PRR5L: variants seen among roughly 807,000 people sequenced by gnomAD.
PRR5L encodes proline-rich protein 5-like.
In PRR5L, 21 loss-of-function variants were observed where a neutral mutation model predicts 36.4. The observed-to-expected ratio is 0.58, with a 90% CI of 0.41 to 0.83. The LOEUF (loss-of-function observed/expected upper bound fraction) is 0.83, where lower values mean the gene tolerates loss of function less well. PRR5L is among the 40% of genes least tolerant of loss of function. The probability of loss-of-function intolerance (pLI) is 0.00; values close to 1 mark genes in which losing one functional copy is unlikely to be tolerated. For synonymous variants in PRR5L, 188 were observed against 197.0 expected, an observed-to-expected ratio of 0.95 and a Z score of 0.38; for missense variants, 381 against 473.3, an observed-to-expected ratio of 0.80 and a Z score of 1.81.
At chr11:36,418,090 G>A (rs185678795) in intron 3 of PRR5L, among the ~76,000 whole-genome samples, 14 of 152,330 alleles carry the variant, frequency 9.2e-5, no homozygotes, top group African/African-American at 3.4e-4. Flanking sequence ...CATCTTGTGA[G>A]TATATTTATT....
rs570136912 is a variant in PRR5L at position 36,401,192 on chromosome 11, C to T, written c.71C>T (p.Pro24Leu). Residue 24 changes from proline (P) to leucine (L), a missense_variant, in exon 2 of 9, where the codon CCG (proline) becomes CTG (leucine). Transcript: ENST00000530639. ...HKMGSFRRPR[P>L]RFMSSPVLSD... ...ATGGGCTCCTTCCGCAGGCCTAGAC[C>T]GCGCTTCATGAGCTCCCCCGTGCTC... is the stretch of plus-strand genomic sequence containing the variant. The T allele has an allele frequency of 2.5e-6, 4 of 1,613,990 alleles. No individual in the cohort carries two copies. The highest frequency in any genetic ancestry group is 2.2e-5 in the South Asian group (2 of 91,090).
chr11:36,329,724 C>T (rs1438599083), intron 1 of PRR5L, among the ~76,000 whole-genome samples: 1 of 152,118 alleles, frequency 6.6e-6, no homozygotes. Context: ...CCTTTAAAAG[C>T]CTTTGAGGCA....
intron 8 of PRR5L, among the ~76,000 whole-genome samples, chr11:36,457,018 T>G (rs961288311): frequency 2.6e-5 from 4 of 152,158 alleles, no homozygotes; most frequent in Non-Finnish European, 5.9e-5. Context: ...GCAGCCAGAG[T>G]GGCTTCTCTT....
rs1554986984 is a variant in PRR5L at position 36,350,988 on chromosome 11, T to TTATATATTTATATATTTATATATTTA, written c.-125-49994_-125-49993insTTATATATTTATATATATTTATATAT. Among the ~76,000 whole-genome samples the TTATATATTTATATATTTATATATTTA allele has an allele frequency of 7.9e-5, 6 of 76,306 alleles. 1 individual carries two copies. The highest frequency in any genetic ancestry group is 9.7e-5 in the Non-Finnish European group (4 of 41,356). The allele number at this position is 76,306 out of a possible 152,430, so 50.1% of individuals were successfully genotyped here. ...TATATATTTATATATATTTATATAT[T>TTATATATTTATATATTTATATATTTA]TATATATTTATATATATTTATATAG... On this transcript the variant is annotated intron_variant, in intron 1 of 8. Transcript: ENST00000530639.
At chr11:36,447,793 G>C (rs1858863040) in intron 7 of PRR5L, among the ~76,000 whole-genome samples, 1 of 152,172 alleles carries the variant, frequency 6.6e-6, no homozygotes, top group African/African-American at 2.4e-5. Context: ...ATAGGATGAG[G>C]GTGGGTGTAA....
intron 7 of PRR5L, among the ~76,000 whole-genome samples, chr11:36,447,811 G>A (rs1196730296): frequency 1.3e-5 from 2 of 152,154 alleles, no homozygotes; most frequent in South Asian, 4.1e-4. Context: ...TAATTGGCCG[G>A]AATGCCAGGT....
chr11:36,354,578 G>A (rs185636700), intron 1 of PRR5L, among the ~76,000 whole-genome samples: 2 of 152,258 alleles, frequency 1.3e-5, no homozygotes, highest in East Asian at 1.9e-4. Context: ...AATTGAAAGT[G>A]AGAAAATGTA....
chr11:36,438,517 C>T (rs1287679925), intron 6 of PRR5L, among the ~76,000 whole-genome samples: 1 of 152,180 alleles, frequency 6.6e-6, no homozygotes, highest in East Asian at 1.9e-4. Context: ...CACCCCATAA[C>T]ATTTCCAGTA....
intron 1 of PRR5L, among the ~76,000 whole-genome samples, chr11:36,300,649 GAA>G (rs5791098): frequency 1.3e-5 from 2 of 150,882 alleles, no homozygotes; most frequent in Admixed American, 6.6e-5. Flanking sequence ...CTATTTAAAA[GAA>G]AAAAAAAATC....
intron 1 of PRR5L, among the ~76,000 whole-genome samples, chr11:36,383,099 C>G (rs1857398069): frequency 6.6e-6 from 1 of 152,168 alleles, no homozygotes; most frequent in African/African-American, 2.4e-5. Context: ...AAACTCTCCA[C>G]TTCTAAAATA....
chr11:36,382,027 G>A lies in PRR5L; in HGVS notation c.-125-18970G>A, dbSNP rs527883125. Among the ~76,000 whole-genome samples, 72 of 152,240 alleles carry A rather than the reference G, an allele frequency of 4.7e-4. 1 individual carries two copies. In the South Asian group the frequency reaches 0.012, roughly 25 times the overall value. On this transcript the variant is annotated intron_variant, in intron 1 of 8. Coordinates refer to ENST00000530639, the MANE Select transcript of PRR5L (RefSeq NM_001160167.2). Reference sequence around the variant, plus strand: ...CAAAAAATGAGCCGGGCATGGTGGCGTGTGCCTGTAGTCCCAGCTACTCGG... The same window carrying A: ...CAAAAAATGAGCCGGGCATGGTGGCATGTGCCTGTAGTCCCAGCTACTCGG...
At chr11:36,407,350 G>A (rs536615387) in intron 3 of PRR5L, among the ~76,000 whole-genome samples, 36 of 152,278 alleles carry the variant, frequency 2.4e-4, no homozygotes, top group East Asian at 2.3e-3. Context: ...AAAGCTGGGC[G>A]TGATGATGCA....
intron 1 of PRR5L, among the ~76,000 whole-genome samples, chr11:36,366,535 C>G (rs1001100331): frequency 6.6e-6 from 1 of 152,038 alleles, no homozygotes; most frequent in African/African-American, 2.4e-5. Context: ...AATACATTTC[C>G]TATTAATGAC....
chr11:36,345,295 G>A (rs1170253485), intron 1 of PRR5L, among the ~76,000 whole-genome samples: 1 of 152,170 alleles, frequency 6.6e-6, no homozygotes, highest in East Asian at 1.9e-4. Context: ...AGGAAGGGAA[G>A]TGTTAATGAA....
At chr11:36,448,457 G>C (rs1858878468) in intron 7 of PRR5L, among the ~76,000 whole-genome samples, 1 of 152,100 alleles carries the variant, frequency 6.6e-6, no homozygotes, top group Non-Finnish European at 1.5e-5. Context: ...TGGGATCTTT[G>C]TGATCACCAT....
chr11:36,421,495 A>G (rs1248503232), intron 4 of PRR5L, among the ~76,000 whole-genome samples: 1 of 152,204 alleles, frequency 6.6e-6, no homozygotes, highest in Non-Finnish European at 1.5e-5. Context: ...AGTTTATTTA[A>G]GGTGCTGATC....
intron 1 of PRR5L, among the ~76,000 whole-genome samples, chr11:36,345,337 T>A (rs893005501): frequency 2.0e-5 from 3 of 152,050 alleles, no homozygotes; most frequent in Non-Finnish European, 4.4e-5. Flanking sequence ...CTTAAACTCC[T>A]GACAAGGGGC....
intron 4 of PRR5L, among the ~76,000 whole-genome samples, chr11:36,429,967 C>G (rs892821637): frequency 2.0e-5 from 3 of 152,160 alleles, no homozygotes; most frequent in African/African-American, 7.2e-5. Flanking sequence ...TGGCTGGAAG[C>G]TAAAGAACAG....
chr11:36,363,376 T>C (rs1309690793), intron 1 of PRR5L, among the ~76,000 whole-genome samples: 1 of 152,232 alleles, frequency 6.6e-6, no homozygotes, highest in Non-Finnish European at 1.5e-5. Context: ...TGGGAGCTCA[T>C]ATCTTTCTTT....
Sources: gnomAD v4.1 joint callset for allele counts (sites outside exome capture counted in the v4.1 genomes callset) on GRCh38, gnomAD v4.1.1 for gene constraint, MANE v1.5 for transcripts, NCBI Gene and HGNC (gene_info 2026-07-23, HGNC 2026-07-21) for gene names.